KIF26B: variants seen among roughly 807,000 people sequenced by gnomAD.
KIF26B encodes kinesin family member 26B, also known as kinesin-like protein KIF26B.
Under a neutral mutation model 151.2 loss-of-function variants are expected in KIF26B, and 63 were observed. That is an observed-to-expected ratio of 0.42 (90% confidence interval 0.34 to 0.51). The LOEUF (loss-of-function observed/expected upper bound fraction) is 0.51. KIF26B is among the 20% of genes least tolerant of loss of function. The pLI, the probability that KIF26B is intolerant of heterozygous loss-of-function variation, is 0.07. For missense variants in KIF26B, 2,813 were observed against 2,913.6 expected, an observed-to-expected ratio of 0.97 and a Z score of 0.79; for synonymous variants, 1,357 against 1,262.1, an observed-to-expected ratio of 1.08 and a Z score of -1.59.
intron 2 of KIF26B, among the ~76,000 whole-genome samples, chr1:245,305,952 A>AT (rs1671530606): frequency 1.3e-5 from 2 of 151,618 alleles, no homozygotes; most frequent in Admixed American, 6.6e-5. Flanking sequence ...AAAAAAAAAA[A>AT]AAAAAGAAAA....
intron 4 of KIF26B, among the ~76,000 whole-genome samples, chr1:245,422,320 T>A (rs985436612): frequency 4.6e-5 from 7 of 152,274 alleles, no homozygotes; most frequent in Middle Eastern, 6.8e-3. Flanking sequence ...TTTTGCCATG[T>A]TATTCTCATC....
At chr1:245,608,247 C>T (rs2043478904) in intron 7 of KIF26B, among the ~76,000 whole-genome samples, 1 of 152,206 alleles carries the variant, frequency 6.6e-6, no homozygotes, top group Non-Finnish European at 1.5e-5. Context: ...GCAGCAGAGC[C>T]CCCCAACAAG....
chr1:245,552,382 C>T (rs987979239), intron 5 of KIF26B, among the ~76,000 whole-genome samples: 4 of 151,914 alleles, frequency 2.6e-5, no homozygotes, highest in African/African-American at 7.3e-5. Flanking sequence ...TATGGAAGGT[C>T]GTCTGATTTA....
chr1:245,532,413 T>C (rs1015004750), intron 4 of KIF26B, among the ~76,000 whole-genome samples: 3 of 151,792 alleles, frequency 2.0e-5, no homozygotes, highest in African/African-American at 7.3e-5. Flanking sequence ...GCCCAGCTAA[T>C]TTTTTGTATT....
intron 5 of KIF26B, among the ~76,000 whole-genome samples, chr1:245,581,951 A>AGGAAGGAAGGAC (rs2043179347): frequency 6.6e-6 from 1 of 151,814 alleles, no homozygotes; most frequent in Admixed American, 6.6e-5. Flanking sequence ...GAAGGAAGGA[A>AGGAAGGAAGGAC]GGAAGGAAGG....
At chr1:245,174,599 T>C (rs1489943881) in intron 2 of KIF26B, among the ~76,000 whole-genome samples, 2 of 152,154 alleles carry the variant, frequency 1.3e-5, no homozygotes, top group Non-Finnish European at 2.9e-5. Context: ...CTCAAACTCC[T>C]GGGCTCAAAC....
intron 10 of KIF26B, among the ~76,000 whole-genome samples, chr1:245,666,602 C>T (rs2044218161): frequency 6.6e-6 from 1 of 152,204 alleles, no homozygotes; most frequent in South Asian, 2.1e-4. Context: ...GAGGATGGGA[C>T]AGGTTTAGGC....
At chr1:245,675,425 C>T (rs2044346634) in intron 10 of KIF26B, among the ~76,000 whole-genome samples, 1 of 152,202 alleles carries the variant, frequency 6.6e-6, no homozygotes, top group Non-Finnish European at 1.5e-5. Flanking sequence ...ATGGCCCATC[C>T]TACCCTAAGA....
chr1:245,261,366 G>C (rs12025954), intron 2 of KIF26B, among the ~76,000 whole-genome samples: 11,626 of 151,996 alleles, frequency 0.076, 584 homozygotes, highest in Middle Eastern at 0.12. Flanking sequence ...CCCGACCTCA[G>C]GTGATCCGCC....
At chr1:245,661,442 C>A (rs564726744) in intron 10 of KIF26B, among the ~76,000 whole-genome samples, 2 of 152,022 alleles carry the variant, frequency 1.3e-5, no homozygotes, top group Admixed American at 6.5e-5. Flanking sequence ...AGCGCAGTAA[C>A]CTTCTGAGGA....
At chr1:245,550,066 C>T (rs1661841680) in intron 5 of KIF26B, among the ~76,000 whole-genome samples, 1 of 152,150 alleles carries the variant, frequency 6.6e-6, no homozygotes, top group South Asian at 2.1e-4. Flanking sequence ...GGAAAAACAA[C>T]CAAAAATAGA....
At chr1:245,524,176 A>G (rs1661188456) in intron 4 of KIF26B, among the ~76,000 whole-genome samples, 1 of 152,236 alleles carries the variant, frequency 6.6e-6, no homozygotes, top group Non-Finnish European at 1.5e-5. Flanking sequence ...CAAATGGATC[A>G]CAAAGGAGTA....
chr1:245,545,102 ATTT>A (rs58563353), intron 5 of KIF26B, among the ~76,000 whole-genome samples: 13 of 139,222 alleles, frequency 9.3e-5, no homozygotes, highest in Admixed American at 2.1e-4. Context: ...ATACACAGCA[ATTT>A]TTTTTTTTTT....
chr1:245,245,158 T>C (rs2941278), intron 2 of KIF26B, among the ~76,000 whole-genome samples: 148,542 of 152,256 alleles, frequency 0.98, 72,569 homozygotes, highest in East Asian at 1. Flanking sequence ...ATGGAAGGTC[T>C]GAGGGTCTGC....
At chr1:245,362,351 A>C in intron 2 of KIF26B, among the ~76,000 whole-genome samples, 1 of 141,768 alleles carries the variant, frequency 7.1e-6, no homozygotes, top group African/African-American at 2.7e-5. Context: ...AGATGGTGAA[A>C]CCCCGTCTCT....
At position 245,460,476 on chromosome 1, in the gene KIF26B, C is replaced by T. The variant is rs920579817; in HGVS notation, c.1166+40731C>T. Among the ~76,000 whole-genome samples, 5 of 152,174 alleles carry T rather than the reference C, an allele frequency of 3.3e-5. No individual in the cohort carries two copies. The East Asian group carries it at 5.8e-4, about 18-fold the overall frequency. ...GCTGTCTGTGGCTGCTTTTGTGATA[C>T]GATGCAGGAGTTGAGAAGTTGGACA... is the stretch of plus-strand genomic sequence containing the variant. On this transcript the variant is annotated intron_variant, in intron 4 of 14. Coordinates refer to ENST00000407071, the MANE Select transcript of KIF26B (RefSeq NM_018012.4).
chr1:245,462,470 A>G (rs1028209149), intron 4 of KIF26B, among the ~76,000 whole-genome samples: 23 of 152,318 alleles, frequency 1.5e-4, no homozygotes, highest in Admixed American at 4.6e-4. Flanking sequence ...CTGAGTATTT[A>G]TCAGCCAGCA....
chr1:245,443,991 CTGTT>C (rs1659185764), intron 4 of KIF26B, among the ~76,000 whole-genome samples: 1 of 145,438 alleles, frequency 6.9e-6, no homozygotes. Flanking sequence ...ATCTCCCTCA[CTGTT>C]CACCTAGAGC....
intron 10 of KIF26B, among the ~76,000 whole-genome samples, chr1:245,658,811 A>G (rs555343432): frequency 7.2e-4 from 109 of 152,128 alleles, no homozygotes; most frequent in African/African-American, 2.5e-3. Flanking sequence ...CCCCCCTCCT[A>G]ATTCTTTGCT....
Sources: gnomAD v4.1 joint callset for allele counts (sites outside exome capture counted in the v4.1 genomes callset) on GRCh38, gnomAD v4.1.1 for gene constraint, MANE v1.5 for transcripts, NCBI Gene and HGNC (gene_info 2026-07-23, HGNC 2026-07-21) for gene names.